The following PCDH11X variants were observed in gnomAD, a reference collection of about 807,000 sequenced individuals.
The protein encoded by PCDH11X is protocadherin-11 X-linked.
Under a neutral mutation model 53.3 loss-of-function variants are expected in PCDH11X, and 18 were observed. The ratio of observed to expected loss-of-function variants is 0.34; its 90% CI spans 0.23 to 0.50. The LOEUF is 0.50. PCDH11X is among the 20% of genes least tolerant of loss of function. The pLI is 0.98. For missense variants in PCDH11X, 570 were observed against 1,032.4 expected, an observed-to-expected ratio of 0.55 and a Z score of 6.14; for synonymous variants, 279 against 393.3, an observed-to-expected ratio of 0.71 and a Z score of 3.44.
At chrX:91,989,525 C>G (rs1386548204) in intron 6 of PCDH11X, among the ~76,000 whole-genome samples, 2 of 109,113 alleles carry the variant, frequency 1.8e-5, no homozygotes, top group African/African-American at 6.7e-5. Context: ...ATCGTGCCAC[C>G]GCACTCCAAC....
chrX:92,417,820 ATTTT>A (rs61034265), intron 9 of PCDH11X, among the ~76,000 whole-genome samples: 1 of 67,557 alleles, frequency 1.5e-5, no homozygotes, highest in African/African-American at 5.9e-5. Flanking sequence ...CTTTTCTTCC[ATTTT>A]TTTTTTTTTT....
chrX:92,254,546 T>A (rs2148402477), intron 7 of PCDH11X, among the ~76,000 whole-genome samples: 1 of 109,692 alleles, frequency 9.1e-6, no homozygotes, highest in South Asian at 4.2e-4. Context: ...CGATGGTCTT[T>A]ACATTTTGGC....
At chrX:92,012,306 A>G (rs1001894863) in intron 6 of PCDH11X, among the ~76,000 whole-genome samples, 1 of 108,780 alleles carries the variant, frequency 9.2e-6, no homozygotes, top group African/African-American at 3.4e-5. Flanking sequence ...CTCTTACTAG[A>G]TAAATTCCAG....
chrX:92,201,228 T>C (rs2066385244), intron 6 of PCDH11X, 147 bp from the exon 7 acceptor site: 1 of 749,648 alleles, frequency 1.3e-6, no homozygotes, highest in Non-Finnish European at 1.9e-6. Flanking sequence ...TAACCATTTG[T>C]TACATAAATA....
At chrX:92,258,739 A>T (rs903620473) in intron 7 of PCDH11X, among the ~76,000 whole-genome samples, 1 of 111,603 alleles carries the variant, frequency 9.0e-6, no homozygotes, top group Non-Finnish European at 1.9e-5. Flanking sequence ...CTCTTCTTCC[A>T]CATGGCCAGG....
At chrX:91,995,983 G>T (rs2062412530) in intron 6 of PCDH11X, among the ~76,000 whole-genome samples, 1 of 105,570 alleles carries the variant, frequency 9.5e-6, no homozygotes, top group Non-Finnish European at 1.9e-5. Flanking sequence ...CCAAGTAGCT[G>T]GCCCCCGCCA....
chrX:92,072,743 C>T (rs1463750992), intron 6 of PCDH11X, among the ~76,000 whole-genome samples: 1 of 111,025 alleles, frequency 9.0e-6, no homozygotes, highest in Non-Finnish European at 1.9e-5. Context: ...TGTTTTGAGC[C>T]GCACTGCCTG....
Position 91,907,370 on chromosome X carries a change from A to AACACACACAC in PCDH11X, c.3033+28131_3033+28140dup, listed in dbSNP as rs777259208. On this transcript the variant is annotated intron_variant, in intron 6 of 10. Coordinates refer to ENST00000682573, the MANE Select transcript of PCDH11X (RefSeq NM_032968.5). ...CATGTACATGATACACACCACCCTC[A>AACACACACAC]ACACACACACACACACACACACACA... Among the ~76,000 whole-genome samples, 248 of 36,125 alleles carry AACACACACAC rather than the reference A, an allele frequency of 6.9e-3. 6 individuals are homozygous for AACACACACAC. The highest frequency in any genetic ancestry group is 0.012 in the East Asian group (8 of 655). 31.4% of individuals were successfully genotyped at this position (36,125 alleles called of 115,157 possible).
intron 6 of PCDH11X, among the ~76,000 whole-genome samples, chrX:91,921,406 T>C (rs1035622362): frequency 1.8e-5 from 2 of 109,735 alleles, no homozygotes; most frequent in Non-Finnish European, 3.8e-5. Context: ...TCAACAATTA[T>C]AGTATCTATA....
At chrX:92,055,329 G>A (rs2063433157) in intron 6 of PCDH11X, among the ~76,000 whole-genome samples, 1 of 59,024 alleles carries the variant, frequency 1.7e-5, no homozygotes, top group Non-Finnish European at 3.1e-5. Flanking sequence ...ACCATCCAAT[G>A]GCATTCGATT....
chrX:92,432,748 T>A (rs891945598), intron 9 of PCDH11X, among the ~76,000 whole-genome samples: 1 of 106,939 alleles, frequency 9.4e-6, no homozygotes, highest in Non-Finnish European at 2.0e-5. Flanking sequence ...CTCAGTATAT[T>A]GATAGCATCA....
intron 6 of PCDH11X, among the ~76,000 whole-genome samples, chrX:91,995,556 C>T: frequency 9.0e-6 from 1 of 111,309 alleles, no homozygotes; most frequent in Non-Finnish European, 1.9e-5. Context: ...GTCTTTATGC[C>T]AGTACCATAC....
rs745475151 is a variant in PCDH11X, at chrX:92,279,499, C to T, written c.3144+16356C>T. 1.2e-4 allele frequency among the ~76,000 whole-genome samples: 14 copies of T among 112,064 alleles called. No individual in the cohort carries two copies. In the East Asian group the frequency reaches 1.7e-3, roughly 14 times the overall value. On this transcript the variant is annotated intron_variant, in intron 8 of 10. Coordinates refer to ENST00000682573, the MANE Select transcript of PCDH11X (RefSeq NM_032968.5). Reference sequence around the variant, plus strand: ...TAAAGGAACTGTCTCCGATCTGTTTCGTATTTTGTAATAAAGGTGATTTCT... The same window carrying T: ...TAAAGGAACTGTCTCCGATCTGTTTTGTATTTTGTAATAAAGGTGATTTCT...
Position 92,484,191 on chromosome X carries a change from GTATATATGTATATATGTA to G in PCDH11X, c.3367+15893_3367+15910del, listed in dbSNP as rs1216354895. 2.8e-3 allele frequency among the ~76,000 whole-genome samples: 186 copies of G among 65,639 alleles called. 1 individual carries two copies. The highest frequency in any genetic ancestry group is 0.015 in the African/African-American group (146 of 9,989). The allele number at this position is 65,639 out of a possible 115,157, so 57.0% of individuals were successfully genotyped here. ...TGTATATATATGTATGTATATATAT[GTATATATGTATATATGTA>G]TATATATGTATATATGTATATATGT... On this transcript the variant is annotated intron_variant, in intron 10 of 10. Coordinates refer to ENST00000682573, the MANE Select transcript of PCDH11X (RefSeq NM_032968.5).
intron 9 of PCDH11X, among the ~76,000 whole-genome samples, chrX:92,400,625 AG>A (rs2071368492): frequency 1.9e-5 from 2 of 107,028 alleles, no homozygotes; most frequent in South Asian, 4.3e-4. Context: ...AACTTTAATT[AG>A]GTAACTGCTG....
At chrX:92,442,177 C>A (rs1207679813) in intron 9 of PCDH11X, among the ~76,000 whole-genome samples, 2 of 111,042 alleles carry the variant, frequency 1.8e-5, no homozygotes, top group African/African-American at 6.6e-5. Context: ...TGATTTTACA[C>A]ACTCATAGGC....
intron 6 of PCDH11X, among the ~76,000 whole-genome samples, chrX:92,100,176 C>T (rs1171649917): frequency 9.0e-6 from 1 of 110,985 alleles, no homozygotes; most frequent in African/African-American, 3.3e-5. Context: ...AACCATGTAA[C>T]AAGGTACACA....
chrX:92,418,879 A>G (rs1463040843), intron 9 of PCDH11X, among the ~76,000 whole-genome samples: 1 of 105,335 alleles, frequency 9.5e-6, no homozygotes, highest in East Asian at 3.0e-4. Flanking sequence ...AGTTTGTAGT[A>G]TTTAATGTAA....
At chrX:91,802,996 T>C (rs1336340721) in intron 1 of PCDH11X, among the ~76,000 whole-genome samples, 2 of 111,797 alleles carry the variant, frequency 1.8e-5, no homozygotes, top group African/African-American at 6.5e-5. Context: ...GTTTATAAAG[T>C]TGAGACTTCC....
Sources: allele counts gnomAD v4.1 joint callset (sites outside exome capture counted in the v4.1 genomes callset), GRCh38; gene constraint gnomAD v4.1.1; transcripts MANE v1.5; gene names NCBI Gene and HGNC (gene_info 2026-07-23, HGNC 2026-07-21).